Variants in ISM1 observed in about 807,000 individuals in gnomAD.
ISM1 encodes isthmin 1.
In ISM1, 25 loss-of-function variants were observed where a neutral mutation model predicts 46.3. The observed-to-expected ratio is 0.54, with a 90% CI of 0.39 to 0.75. ISM1 has a LOEUF of 0.75. ISM1 is among the 30% of genes least tolerant of loss of function. The pLI, the probability that ISM1 is intolerant of heterozygous loss-of-function variation, is 0.00. For missense variants in ISM1, 536 were observed against 625.4 expected, an observed-to-expected ratio of 0.86 and a Z score of 1.52; for synonymous variants, 255 against 256.7, an observed-to-expected ratio of 0.99 and a Z score of 0.06.
intron 1 of ISM1, among the ~76,000 whole-genome samples, chr20:13,264,245 G>A (rs541706566): frequency 1.4e-4 from 22 of 152,198 alleles, no homozygotes; most frequent in South Asian, 6.2e-4. Context: ...GTTAATCTGG[G>A]GAATAGTTAC....
intron 1 of ISM1, chr20:13,239,689 T>C (rs1370001619): frequency 6.6e-6 from 1 of 152,216 alleles, no homozygotes; most frequent in Non-Finnish European, 1.5e-5. Flanking sequence ...AGGCACTCTG[T>C]TTAGAAGGCA....
At chr20:13,319,969 G>C in the ISM1 span, among the ~76,000 whole-genome samples, 1 of 152,202 alleles carries the variant, frequency 6.6e-6, no homozygotes, top group Non-Finnish European at 1.5e-5. Context: ...AGAAAGCACA[G>C]GCAGTTCTGA....
intron 1 of ISM1, among the ~76,000 whole-genome samples, chr20:13,252,733 G>T (rs536329081): frequency 6.6e-6 from 1 of 152,052 alleles, no homozygotes; most frequent in South Asian, 2.1e-4. Flanking sequence ...TCCAGCTTGG[G>T]CAACAGAGCG....
At chr20:13,225,639 G>GTAAC (rs1195296573) in intron 1 of ISM1, among the ~76,000 whole-genome samples, 1 of 152,064 alleles carries the variant, frequency 6.6e-6, no homozygotes, top group African/African-American at 2.4e-5. Context: ...TCCATATTGG[G>GTAAC]TAACTGGCTG....
At chr20:13,268,392 C>A (rs2040073032) in intron 1 of ISM1, among the ~76,000 whole-genome samples, 1 of 107,470 alleles carries the variant, frequency 9.3e-6, no homozygotes, top group Non-Finnish European at 1.9e-5. Context: ...CTCTCTCTCT[C>A]TCTCTCTCTC....
chr20:13,282,670 C>T (rs1022758348), intron 3 of ISM1, among the ~76,000 whole-genome samples: 1 of 152,180 alleles, frequency 6.6e-6, no homozygotes, highest in Admixed American at 6.5e-5. Flanking sequence ...AGTATCTTCC[C>T]CATCATTAGA....
At chr20:13,326,286 G>A in the ISM1 span, among the ~76,000 whole-genome samples, 6 of 152,140 alleles carry the variant, frequency 3.9e-5, no homozygotes, top group Non-Finnish European at 8.8e-5. Context: ...TTTATGTACA[G>A]ATTTTTATGT....
chr20:13,325,167 G>A, the ISM1 span, among the ~76,000 whole-genome samples: 1 of 152,206 alleles, frequency 6.6e-6, no homozygotes, highest in Admixed American at 6.5e-5. Flanking sequence ...CAAATGGGGT[G>A]AGGTGGGGGG....
chr20:13,261,336 T>TGAACCCAGAAG (rs1420892924), intron 1 of ISM1, among the ~76,000 whole-genome samples: 5 of 151,548 alleles, frequency 3.3e-5, no homozygotes, highest in Admixed American at 6.6e-5. Flanking sequence ...GAGAATCGCC[T>TGAACCCAGAAG]GAACCCAGAA....
At chr20:13,321,512 C>T in the ISM1 span, among the ~76,000 whole-genome samples, 3 of 152,168 alleles carry the variant, frequency 2.0e-5, no homozygotes, top group Non-Finnish European at 2.9e-5. Flanking sequence ...CTAAAACCCT[C>T]ATTAGCACTG....
At chr20:13,239,435 G>C (rs938596813) in intron 1 of ISM1, 1 of 152,246 alleles carries the variant, frequency 6.6e-6, no homozygotes, top group African/African-American at 2.4e-5. Flanking sequence ...CCTGAGATCT[G>C]AGAAGGGTTT....
intron 1 of ISM1, chr20:13,244,037 C>G (rs2039763637): frequency 6.6e-6 from 1 of 152,192 alleles, no homozygotes; most frequent in African/African-American, 2.4e-5. Flanking sequence ...ACTGGTGATT[C>G]ATCTGCAGGT....
At chr20:13,294,246 T>C (rs1011336952) in intron 5 of ISM1, among the ~76,000 whole-genome samples, 7 of 152,218 alleles carry the variant, frequency 4.6e-5, no homozygotes, top group African/African-American at 1.7e-4. Flanking sequence ...GAAATGTCTA[T>C]GAGCCAAATT....
chr20:13,300,895 A>C (rs1253768172), downstream of ISM1, among the ~76,000 whole-genome samples: 6 of 152,238 alleles, frequency 3.9e-5, no homozygotes, highest in Non-Finnish European at 5.9e-5. Context: ...AGGAAGCCAA[A>C]CCAGAGCAAA....
chr20:13,292,659 G>A (rs1458891001), intron 5 of ISM1, among the ~76,000 whole-genome samples, 196 bp downstream of exon 5: 16 of 152,064 alleles, frequency 1.1e-4, no homozygotes, highest in East Asian at 7.7e-4. Context: ...CCACCGGACC[G>A]AGCGCTTCTG....
chr20:13,285,051 C>A (rs2040276902), intron 3 of ISM1, among the ~76,000 whole-genome samples: 1 of 152,188 alleles, frequency 6.6e-6, no homozygotes, highest in African/African-American at 2.4e-5. Context: ...CTTTGGGAGG[C>A]CAAGGCAGGA....
intron 5 of ISM1, among the ~76,000 whole-genome samples, chr20:13,298,275 T>C (rs145893283): frequency 6.6e-6 from 1 of 152,062 alleles, no homozygotes; most frequent in Non-Finnish European, 1.5e-5. Context: ...CTGGCTAATA[T>C]TGTGTATTTT....
downstream of ISM1, among the ~76,000 whole-genome samples, chr20:13,305,199 TAAAA>T (rs5840562): frequency 0.22 from 29,927 of 137,462 alleles, 3,119 homozygotes; most frequent in Admixed American, 0.28. Flanking sequence ...GTTGAGTTGT[TAAAA>T]AAAAAAAAAA....
At chr20:13,234,057 T>G (rs1405860256) in intron 1 of ISM1, among the ~76,000 whole-genome samples, 1 of 152,166 alleles carries the variant, frequency 6.6e-6, no homozygotes, top group Non-Finnish European at 1.5e-5. Context: ...GCTTTTAGTG[T>G]ACTCATCACC....
Sources: allele counts gnomAD v4.1 joint callset (sites outside exome capture counted in the v4.1 genomes callset), GRCh38; gene constraint gnomAD v4.1.1; transcripts MANE v1.5; gene names NCBI Gene and HGNC (gene_info 2026-07-23, HGNC 2026-07-21).